The following NAV2 variants were observed in gnomAD, a reference collection of about 807,000 sequenced individuals.
NAV2 encodes the protein neuron navigator 2, also known as helicase, APC down-regulated 1.
NAV2 carries 54 observed loss-of-function variants against 223.2 expected under a neutral mutation model. The ratio of observed to expected loss-of-function variants is 0.24; its 90% CI spans 0.19 to 0.30. The LOEUF (loss-of-function observed/expected upper bound fraction) is 0.30. Among genes scored for constraint, NAV2 ranks in the 10% least tolerant of loss-of-function variants. The probability of loss-of-function intolerance (pLI) is 1.00; values close to 1 mark genes in which losing one functional copy is unlikely to be tolerated. For missense variants in NAV2, 2,806 were observed against 3,147.5 expected (o/e 0.89, Z 2.60); for synonymous variants, 1,279 against 1,239.3 (o/e 1.03, Z -0.67).
chr11:19,431,310 G>T (rs970982870), intron 1 of NAV2, among the ~76,000 whole-genome samples: 1 of 152,168 alleles, frequency 6.6e-6, no homozygotes, highest in African/African-American at 2.4e-5. Context: ...TCTTTGCTGC[G>T]TTTAACGACT....
intron 1 of NAV2, among the ~76,000 whole-genome samples, chr11:19,419,924 G>A (rs1850539405): frequency 6.6e-6 from 1 of 152,154 alleles, no homozygotes; most frequent in South Asian, 2.1e-4. Flanking sequence ...TTTGCTGTGA[G>A]GGTGAGATGA....
intron 1 of NAV2, among the ~76,000 whole-genome samples, chr11:19,606,561 C>G (rs542842177): frequency 6.6e-6 from 1 of 152,310 alleles, no homozygotes; most frequent in East Asian, 1.9e-4. Flanking sequence ...CAGCTCCTTG[C>G]CTTTCCTCTT....
intron 35 of NAV2, among the ~76,000 whole-genome samples, chr11:20,106,179 GTGTGTATA>G (rs1565089079): frequency 1.4e-4 from 2 of 14,686 alleles, no homozygotes; most frequent in Admixed American, 5.3e-4. Context: ...ATATATATGT[GTGTGTATA>G]TATATATATA....
Position 19,458,153 on chromosome 11 carries a change from C to T in NAV2, c.75+107126C>T, listed in dbSNP as rs138997556. The stretch of plus-strand genomic sequence containing the variant: ...ATCTGGGAAATGGCAGTCTCACTGG[C>T]GGAGGAGGTCCTGAGGAGTTCTTTG... On this transcript the variant is annotated intron_variant, in intron 1 of 37. Transcript: ENST00000360655. Among the ~76,000 whole-genome samples, 1,359 of 152,306 alleles carry T rather than the reference C, an allele frequency of 8.9e-3. 23 individuals carry two copies. The highest frequency in any genetic ancestry group is 0.031 in the African/African-American group (1,304 of 41,566).
At chr11:19,516,526 A>C (rs1021610428) in intron 1 of NAV2, among the ~76,000 whole-genome samples, 1 of 152,220 alleles carries the variant, frequency 6.6e-6, no homozygotes, top group Non-Finnish European at 1.5e-5. Flanking sequence ...ACCACAACTC[A>C]TCTCTTTGTT....
chr11:19,896,040 A>G (rs1358907274), intron 6 of NAV2, among the ~76,000 whole-genome samples: 1 of 152,042 alleles, frequency 6.6e-6, no homozygotes, highest in African/African-American at 2.4e-5. Context: ...CAGGTGAGGT[A>G]AAGTCCGTGA....
intron 3 of NAV2, among the ~76,000 whole-genome samples, chr11:19,858,873 G>T: frequency 6.6e-6 from 1 of 152,166 alleles, no homozygotes; most frequent in East Asian, 1.9e-4. Context: ...TTCACTTTCA[G>T]GAAATGCCGC....
chr11:19,926,750 A>T (rs889113995), intron 6 of NAV2, among the ~76,000 whole-genome samples: 3 of 152,174 alleles, frequency 2.0e-5, no homozygotes, highest in Non-Finnish European at 4.4e-5. Flanking sequence ...TCCCACACCC[A>T]ATTATCAGGC....
intron 33 of NAV2, 70 bp downstream of exon 33, chr11:20,103,479 A>G: frequency 6.4e-7 from 1 of 1,561,940 alleles, no homozygotes; most frequent in South Asian, 1.2e-5. Flanking sequence ...CACTGTGCAC[A>G]CAGGTGGCCC....
intron 11 of NAV2, among the ~76,000 whole-genome samples, chr11:19,986,028 C>T (rs2050766276): frequency 6.6e-6 from 1 of 152,114 alleles, no homozygotes. Context: ...TTCTTCTATC[C>T]GTTGTTTAGT....
chr11:19,762,159 C>G (rs1013571858), intron 1 of NAV2, among the ~76,000 whole-genome samples: 5 of 152,212 alleles, frequency 3.3e-5, no homozygotes, highest in Admixed American at 6.5e-5. Context: ...AGGAGAATCA[C>G]TGGAACCCGG....
At chr11:19,585,581 C>CA (rs541910807) in intron 1 of NAV2, among the ~76,000 whole-genome samples, 15 of 152,278 alleles carry the variant, frequency 9.9e-5, no homozygotes, top group Admixed American at 9.8e-4. Context: ...CTGGTGGTGA[C>CA]AAAATCTCTC....
At chr11:19,966,212 G>T (rs1302826780) in intron 10 of NAV2, among the ~76,000 whole-genome samples, 1 of 152,188 alleles carries the variant, frequency 6.6e-6, no homozygotes, top group African/African-American at 2.4e-5. Context: ...GGATGGCAAG[G>T]TCACCTTGCA....
chr11:19,976,647 A>T lies in NAV2; in HGVS notation c.2646-7478A>T, dbSNP rs1056806759. 5.3e-5 allele frequency among the ~76,000 whole-genome samples: 8 copies of T among 152,116 alleles called. No homozygotes were observed. The South Asian group carries it at 1.0e-3, about 20-fold the overall frequency. ...GGGACTAGCCAGAGTCAGCTCCAGA[A>T]CTCCTGAGTGAGTTCACTTCTGCAG... On this transcript the variant is annotated intron_variant, in intron 10 of 37. Coordinates refer to ENST00000349880, the MANE Select transcript of NAV2 (RefSeq NM_145117.5).
intron 11 of NAV2, among the ~76,000 whole-genome samples, chr11:20,008,542 C>G (rs973948247): frequency 1.3e-5 from 2 of 152,188 alleles, no homozygotes; most frequent in Non-Finnish European, 2.9e-5. Context: ...CCATCAGCAT[C>G]TTAAGCTTGA....
At chr11:19,856,930 C>T (rs2152995196) in intron 3 of NAV2, among the ~76,000 whole-genome samples, 1 of 152,334 alleles carries the variant, frequency 6.6e-6, no homozygotes, top group East Asian at 1.9e-4. Flanking sequence ...TGTTCGTGAA[C>T]AACCAGAAGA....
At chr11:19,518,971 T>C (rs2043554639) in intron 1 of NAV2, among the ~76,000 whole-genome samples, 1 of 152,110 alleles carries the variant, frequency 6.6e-6, no homozygotes, top group Non-Finnish European at 1.5e-5. Flanking sequence ...AACGAAACAA[T>C]GAGATGAGAG....
chr11:19,675,851 A>G (rs549867614), intron 1 of NAV2, among the ~76,000 whole-genome samples: 1 of 152,238 alleles, frequency 6.6e-6, no homozygotes, highest in Admixed American at 6.5e-5. Context: ...AGTATAATTA[A>G]TAATAATATC....
At chr11:20,001,020 C>G (rs892229431) in intron 11 of NAV2, among the ~76,000 whole-genome samples, 4 of 152,158 alleles carry the variant, frequency 2.6e-5, no homozygotes, top group African/African-American at 9.7e-5. Context: ...GTGTCACATA[C>G]AGGATAAAGT....
Sources: allele counts gnomAD v4.1 joint callset (sites outside exome capture counted in the v4.1 genomes callset), GRCh38; gene constraint gnomAD v4.1.1; transcripts MANE v1.5; gene names NCBI Gene and HGNC (gene_info 2026-07-23, HGNC 2026-07-21).